The following RPS6KC1 variants were observed in gnomAD, a reference collection of about 807,000 sequenced individuals.
RPS6KC1 encodes ribosomal protein S6 kinase C1.
A neutral mutation model predicts 103.8 loss-of-function variants in RPS6KC1; 54 were observed. The ratio of observed to expected loss-of-function variants is 0.52; its 90% confidence interval spans 0.42 to 0.65. The LOEUF (loss-of-function observed/expected upper bound fraction) is 0.65, where lower values mean the gene tolerates loss of function less well. Among genes scored for constraint, RPS6KC1 ranks in the 30% least tolerant of loss-of-function variants. The pLI, the probability that RPS6KC1 is intolerant of heterozygous loss-of-function variation, is 0.00. For synonymous variants in RPS6KC1, 439 were observed against 438.7 expected, an observed-to-expected ratio of 1.00 and a Z score of -0.01; for missense variants, 1,151 against 1,253.8, an observed-to-expected ratio of 0.92 and a Z score of 1.24.
chr1:213,186,369 T>G (rs1384672524), intron 8 of RPS6KC1, among the ~76,000 whole-genome samples: 1 of 152,158 alleles, frequency 6.6e-6, no homozygotes, highest in African/African-American at 2.4e-5. Flanking sequence ...GATGGCAGTT[T>G]TATTTTTGGT....
chr1:213,380,971 A>G, the RPS6KC1 span, among the ~76,000 whole-genome samples: 1 of 152,182 alleles, frequency 6.6e-6, no homozygotes, highest in Non-Finnish European at 1.5e-5. Context: ...GGATCCACCA[A>G]ACAAGGATGC....
At chr1:213,660,238 G>A in the RPS6KC1 span, among the ~76,000 whole-genome samples, 9 of 152,204 alleles carry the variant, frequency 5.9e-5, no homozygotes, top group Non-Finnish European at 8.8e-5. Context: ...ACAGGGAGGA[G>A]GAACGGGAAG....
intron 14 of RPS6KC1, among the ~76,000 whole-genome samples, chr1:213,269,205 G>C (rs2094983209): frequency 6.6e-6 from 1 of 152,210 alleles, no homozygotes; most frequent in African/African-American, 2.4e-5. Context: ...TATTAAGATA[G>C]ATTTACTAGG....
the RPS6KC1 span, among the ~76,000 whole-genome samples, chr1:213,405,535 A>G: frequency 6.6e-6 from 1 of 152,162 alleles, no homozygotes; most frequent in African/African-American, 2.4e-5. Context: ...GAGCTTCCAT[A>G]TTGCACTGAA....
the RPS6KC1 span, among the ~76,000 whole-genome samples, chr1:213,783,255 T>C: frequency 2.0e-5 from 3 of 152,176 alleles, no homozygotes; most frequent in Non-Finnish European, 2.9e-5. Flanking sequence ...GCTGGCTCTA[T>C]CTTTGTATAT....
chr1:213,677,488 A>G, the RPS6KC1 span, among the ~76,000 whole-genome samples: 1 of 152,220 alleles, frequency 6.6e-6, no homozygotes, highest in African/African-American at 2.4e-5. Context: ...AAGAAGAAGA[A>G]TAAAAGTAAA....
chr1:213,343,711 G>A, the RPS6KC1 span, among the ~76,000 whole-genome samples: 1 of 151,844 alleles, frequency 6.6e-6, no homozygotes, highest in Admixed American at 6.6e-5. Context: ...TGCTTGGGTA[G>A]TGGGTGCACC....
chr1:213,750,276 A>G, the RPS6KC1 span, among the ~76,000 whole-genome samples: 5 of 152,204 alleles, frequency 3.3e-5, no homozygotes, highest in Non-Finnish European at 5.9e-5. Flanking sequence ...CATCTTCTGA[A>G]TCTTCTGTCT....
the RPS6KC1 span, chr1:213,818,899 A>C: frequency 3.4e-4 from 52 of 152,240 alleles, no homozygotes; most frequent in Admixed American, 3.3e-3. Context: ...TATTCAAGAC[A>C]TCCAGTCCCT....
chr1:213,153,862 GT>G (rs201038609), intron 6 of RPS6KC1, among the ~76,000 whole-genome samples: 1 of 151,464 alleles, frequency 6.6e-6, no homozygotes, highest in Admixed American at 6.6e-5. Context: ...TAGGGTAAAT[GT>G]TTTTTTTTAT....
chr1:213,335,403 T>C, the RPS6KC1 span, among the ~76,000 whole-genome samples: 1 of 152,350 alleles, frequency 6.6e-6, no homozygotes, highest in Admixed American at 6.5e-5. Context: ...TGGTCCGCTA[T>C]CATCAGGGGT....
intron 6 of RPS6KC1, among the ~76,000 whole-genome samples, chr1:213,147,679 G>T (rs1055737342): frequency 6.6e-6 from 1 of 152,080 alleles, no homozygotes; most frequent in Admixed American, 6.5e-5. Context: ...GGCTATTCTG[G>T]ATCTTTTGTG....
chr1:213,372,716 C>T, the RPS6KC1 span, among the ~76,000 whole-genome samples: 1 of 152,124 alleles, frequency 6.6e-6, no homozygotes, highest in Non-Finnish European at 1.5e-5. Context: ...ATTTTCACCA[C>T]CTGTTCTACC....
the RPS6KC1 span, among the ~76,000 whole-genome samples, chr1:213,528,978 C>A: frequency 6.6e-6 from 1 of 152,212 alleles, no homozygotes; most frequent in African/African-American, 2.4e-5. Flanking sequence ...TTCATTCACT[C>A]ATTCAAGTGA....
At chr1:213,690,667 C>T in the RPS6KC1 span, among the ~76,000 whole-genome samples, 1 of 152,224 alleles carries the variant, frequency 6.6e-6, no homozygotes, top group East Asian at 1.9e-4. Context: ...GATTGTGACT[C>T]TATTTGTTGC....
intron 6 of RPS6KC1, among the ~76,000 whole-genome samples, chr1:213,151,141 C>A (rs2088762299): frequency 6.8e-6 from 1 of 147,932 alleles, no homozygotes; most frequent in Admixed American, 6.7e-5. Context: ...CACCTCCCTC[C>A]CGGATGGGGC....
chr1:213,589,241 C>T, the RPS6KC1 span, among the ~76,000 whole-genome samples: 1 of 152,362 alleles, frequency 6.6e-6, no homozygotes, highest in East Asian at 1.9e-4. Flanking sequence ...CTTCTATTAA[C>T]TGCCACATGT....
chr1:213,773,189 C>T, the RPS6KC1 span, among the ~76,000 whole-genome samples: 1 of 151,608 alleles, frequency 6.6e-6, no homozygotes, highest in Non-Finnish European at 1.5e-5. Context: ...TGATTTGATT[C>T]GGCTGGATAT....
the RPS6KC1 span, among the ~76,000 whole-genome samples, chr1:213,709,949 G>A: frequency 3.3e-5 from 5 of 152,162 alleles, no homozygotes; most frequent in Non-Finnish European, 5.9e-5. Flanking sequence ...TTATGTGGTC[G>A]ATTTTAGAAT....
Sources: gnomAD v4.1 joint callset for allele counts (sites outside exome capture counted in the v4.1 genomes callset) on GRCh38, gnomAD v4.1.1 for gene constraint, MANE v1.5 for transcripts, NCBI Gene and HGNC (gene_info 2026-07-23, HGNC 2026-07-21) for gene names.